Variants in SLC9C1 observed in about 807,000 individuals in gnomAD.
The protein encoded by SLC9C1 is solute carrier family 9 member C1, also known as sodium/hydrogen exchanger 10.
Under a neutral mutation model 140.9 loss-of-function variants are expected in SLC9C1, and 97 were observed. That is an observed-to-expected ratio of 0.69 (90% CI 0.58 to 0.82). The LOEUF is 0.82. Among genes scored for constraint, SLC9C1 ranks in the 40% least tolerant of loss-of-function variants. SLC9C1 has a pLI of 0.00. For missense variants in SLC9C1, 1,340 were observed against 1,389.3 expected, an observed-to-expected ratio of 0.96 and a Z score of 0.56; for synonymous variants, 440 against 442.6, an observed-to-expected ratio of 0.99 and a Z score of 0.07.
At chr3:112,272,782 G>A (rs906240363) in intron 6 of SLC9C1, among the ~76,000 whole-genome samples, 13 of 152,104 alleles carry the variant, frequency 8.5e-5, no homozygotes, top group African/African-American at 3.1e-4. Context: ...TACAAGGCAA[G>A]CTCTATGGAG....
intron 13 of SLC9C1, among the ~76,000 whole-genome samples, chr3:112,227,688 CT>C (rs2078718297): frequency 6.6e-6 from 1 of 152,102 alleles, no homozygotes; most frequent in African/African-American, 2.4e-5. Flanking sequence ...CACAAAACAA[CT>C]CCTAGAACTG....
At chr3:112,280,430 T>C (rs370696262) in intron 3 of SLC9C1, among the ~76,000 whole-genome samples, 1 of 91,172 alleles carries the variant, frequency 1.1e-5, no homozygotes, top group Non-Finnish European at 2.6e-5. Flanking sequence ...CTAATACTTT[T>C]ATGTATGTAC....
chr3:112,170,788 T>G (rs1169839243), intron 23 of SLC9C1, among the ~76,000 whole-genome samples: 2 of 152,338 alleles, frequency 1.3e-5, no homozygotes, highest in South Asian at 4.1e-4. Flanking sequence ...GTATCTTTTT[T>G]TGTGTGTAGT....
intron 2 of SLC9C1, among the ~76,000 whole-genome samples, chr3:112,284,289 T>G (rs1284077597): frequency 6.6e-6 from 1 of 152,264 alleles, no homozygotes; most frequent in Non-Finnish European, 1.5e-5. Flanking sequence ...GAGCATTTAC[T>G]TGTTTGGATT....
At chr3:112,259,983 G>A (rs932536934) in intron 10 of SLC9C1, among the ~76,000 whole-genome samples, 3 of 151,974 alleles carry the variant, frequency 2.0e-5, no homozygotes, top group Non-Finnish European at 2.9e-5. Flanking sequence ...TGCATCAATT[G>A]ATATAATTTC....
At chr3:112,155,156 T>A in intron 26 of SLC9C1, 107 bp from the exon 27 acceptor site, 1 of 853,354 alleles carries the variant, frequency 1.2e-6, no homozygotes, top group Non-Finnish European at 1.7e-6. Flanking sequence ...ACTCAGGACC[T>A]GTGATCTGAA....
At chr3:112,284,985 C>CTTTTTTTTT (rs61428176) in intron 2 of SLC9C1, among the ~76,000 whole-genome samples, 17 of 103,860 alleles carry the variant, frequency 1.6e-4, no homozygotes, top group East Asian at 8.9e-4. Context: ...TACAATTTTT[C>CTTTTTTTTT]TTTTTTTTTT....
intron 14 of SLC9C1, among the ~76,000 whole-genome samples, chr3:112,219,737 CCTGG>C: frequency 6.6e-6 from 1 of 152,062 alleles, no homozygotes; most frequent in East Asian, 1.9e-4. Context: ...TGCCAGCGTG[CCTGG>C]CTAATTTTTT....
chr3:112,141,247 A>G lies in SLC9C1; in HGVS notation c.*25T>C, dbSNP rs760086163. 6.3e-7 allele frequency: 1 copy of G among 1,575,684 alleles called. No individual in the cohort carries two copies. The highest frequency in any genetic ancestry group is 8.6e-7 in the Non-Finnish European group (1 of 1,163,440). On this transcript the variant is annotated 3_prime_UTR_variant, in exon 29 of 29. Coordinates refer to ENST00000305815, the MANE Select transcript of SLC9C1 (RefSeq NM_183061.3). The stretch of plus-strand genomic sequence containing the variant: ...GGCCTCTCATAGCCACAGCATTAAT[A>G]CATGCTTCGGTCTTCTTAACAGTCT...
chr3:112,273,964 C>T (rs1378593379), intron 6 of SLC9C1, among the ~76,000 whole-genome samples: 2 of 152,088 alleles, frequency 1.3e-5, no homozygotes, highest in Non-Finnish European at 2.9e-5. Context: ...ACACCCAGTG[C>T]ATAGAATAGT....
In SLC9C1 at chr3:112,294,016, G is replaced by A. The variant is rs116760558; in HGVS notation, c.-88+77C>T. 1,504 of 152,296 alleles carry A rather than the reference G, an allele frequency of 9.9e-3. 6 individuals carry two copies. Among genetic ancestry groups the A allele is most frequent in the Non-Finnish European group, 0.017 (1,183 of 68,056 alleles). 9.4% of individuals were successfully genotyped at this position (152,296 alleles called of 1,614,324 possible). A position where few individuals can be genotyped will look rare whatever the true frequency, so the allele number is the denominator to read the frequency against. ...ACAGTGGGAGCCTTTGTTCATCTAG[G>A]AGGCGAGACTGAGAGAGAAAGTACC... On this transcript the variant is annotated intron_variant, in intron 1 of 28. Transcript: ENST00000305815.
At chr3:112,230,176 C>T (rs575822294) in intron 13 of SLC9C1, among the ~76,000 whole-genome samples, 18 of 152,144 alleles carry the variant, frequency 1.2e-4, no homozygotes, top group Non-Finnish European at 1.0e-4. Context: ...AGATGTTTCT[C>T]TATCCTGTTC....
intron 11 of SLC9C1, among the ~76,000 whole-genome samples, chr3:112,242,940 A>C (rs2079177436): frequency 6.6e-6 from 1 of 152,214 alleles, no homozygotes; most frequent in African/African-American, 2.4e-5. Flanking sequence ...TAATCATAAA[A>C]GAAATGCAAA....
At chr3:112,167,192 T>C in intron 26 of SLC9C1, 29 bp downstream of exon 26, 1 of 1,600,372 alleles carries the variant, frequency 6.2e-7, no homozygotes, top group Non-Finnish European at 8.5e-7. Context: ...AAGTAAGTTT[T>C]CACAATTGCT....
chr3:112,186,235 T>C (rs1310395019), intron 20 of SLC9C1, among the ~76,000 whole-genome samples: 1 of 131,924 alleles, frequency 7.6e-6, no homozygotes, highest in Non-Finnish European at 1.6e-5. Flanking sequence ...TTTAATGTTA[T>C]TAAAATCCAA....
intron 10 of SLC9C1, among the ~76,000 whole-genome samples, chr3:112,256,186 C>T (rs374442257): frequency 2.0e-5 from 3 of 151,942 alleles, no homozygotes; most frequent in African/African-American, 7.3e-5. Context: ...TAAACTATTC[C>T]AAAAAATGGA....
chr3:112,231,591 G>A lies in SLC9C1; in HGVS notation c.1447-105C>T, dbSNP rs892341591. 31 of 1,093,414 alleles carry A rather than the reference G, an allele frequency of 2.8e-5. No homozygotes were observed. The African/African-American group carries it at 4.8e-4, about 17-fold the overall frequency. The allele number at this position is 1,093,414 out of a possible 1,614,324, so 67.7% of individuals were successfully genotyped here. A position where few individuals can be genotyped will look rare whatever the true frequency, so the allele number is the denominator to read the frequency against. ...TACCAGTTTGCATTGAAAAATGGTA[G>A]CAAATCTGGTAGATAAGAAAAATGT... On this transcript the variant is annotated intron_variant, in intron 12 of 28. Coordinates refer to ENST00000305815, the MANE Select transcript of SLC9C1 (RefSeq NM_183061.3).
rs780041063 is a variant in SLC9C1 at position 112,286,821 on chromosome 3, G to A, written c.-30C>T. On this transcript the variant is annotated 5_prime_UTR_variant, in exon 2 of 29. Coordinates refer to ENST00000305815, the MANE Select transcript of SLC9C1 (RefSeq NM_183061.3). ...CAGAAAAATTTTTATGCAGATTTAT[G>A]TTAGAAGCAATCTCCATATGATCAT... The A allele has an allele frequency of 2.7e-6, 4 of 1,501,240 alleles. No homozygotes were observed. The highest frequency in any genetic ancestry group is 3.4e-5 in the Admixed American group (2 of 58,412). 93.0% of individuals were successfully genotyped at this position (1,501,240 alleles called of 1,614,324 possible). A position where few individuals can be genotyped will look rare whatever the true frequency, so the allele number is the denominator to read the frequency against.
At chr3:112,146,504 T>C (rs970766150) in intron 28 of SLC9C1, among the ~76,000 whole-genome samples, 1 of 152,228 alleles carries the variant, frequency 6.6e-6, no homozygotes, top group African/African-American at 2.4e-5. Context: ...GACTTTGGTA[T>C]GTTGTGTCTC....
Sources: gnomAD v4.1 joint callset for allele counts (sites outside exome capture counted in the v4.1 genomes callset) on GRCh38, gnomAD v4.1.1 for gene constraint, MANE v1.5 for transcripts, NCBI Gene and HGNC (gene_info 2026-07-23, HGNC 2026-07-21) for gene names.